Variants in PDZD8 observed in about 807,000 individuals in gnomAD.
PDZD8 encodes the protein PDZ domain-containing protein 8.
Under a neutral mutation model 85.8 loss-of-function variants are expected in PDZD8, and 14 were observed. The observed-to-expected ratio is 0.16, with a 90% CI of 0.11 to 0.26. The LOEUF is 0.26. Ranked by LOEUF, PDZD8 falls within the 10% of genes least tolerant of loss-of-function variation. The pLI is 1.00. For missense variants in PDZD8, 1,197 were observed against 1,424.3 expected (o/e 0.84, Z 2.57); for synonymous variants, 592 against 568.6 (o/e 1.04, Z -0.59).
intron 1 of PDZD8, among the ~76,000 whole-genome samples, chr10:117,342,265 A>G (rs531462220): frequency 1.3e-5 from 2 of 152,320 alleles, no homozygotes; most frequent in South Asian, 2.1e-4. Context: ...AAAGCTAAAG[A>G]AAAAGAAAAT....
chr10:117,345,541 C>G (rs1844690275), intron 1 of PDZD8, among the ~76,000 whole-genome samples: 1 of 152,142 alleles, frequency 6.6e-6, no homozygotes, highest in South Asian at 2.1e-4. Flanking sequence ...AACCTAAAAA[C>G]AGACAAGCAA....
At chr10:117,296,580 T>A (rs1044615613) in intron 3 of PDZD8, among the ~76,000 whole-genome samples, 1 of 152,094 alleles carries the variant, frequency 6.6e-6, no homozygotes, top group Non-Finnish European at 1.5e-5. Flanking sequence ...ATATGTTAGA[T>A]AAATCAAGAC....
chr10:117,284,193 T>C lies in PDZD8; in HGVS notation c.2540A>G (p.Gln847Arg). Residue 847 changes from glutamine to arginine, a missense_variant, in exon 5 of 5, where the codon CAG (glutamine) becomes CGG (arginine). Physicochemically the swap from Gln to Arg is conservative, Grantham distance 43. Coordinates refer to ENST00000334464, the MANE Select transcript of PDZD8 (RefSeq NM_173791.5). ...GTCACACCATGTTGGGTTCTGGAAC[T>C]GAGTATCCTGAAAACTGTGTTTGTT... The part of the protein sequence containing the change: ...TENKHSFQDT[Q>R]FQNPTWCDYC... The C allele has an allele frequency of 6.2e-7, 1 of 1,614,210 alleles. No individual in the cohort carries two copies. The highest frequency in any genetic ancestry group is 8.5e-7 in the Non-Finnish European group (1 of 1,180,016).
intron 2 of PDZD8, among the ~76,000 whole-genome samples, chr10:117,339,128 C>CAAAAAAAAAAAA (rs71013660): frequency 7.7e-6 from 1 of 129,408 alleles, no homozygotes; most frequent in Non-Finnish European, 1.6e-5. Flanking sequence ...TGGACTTAAC[C>CAAAAAAAAAAAA]AAAAAAAAAA....
intron 2 of PDZD8, among the ~76,000 whole-genome samples, chr10:117,335,789 T>C (rs1018616880): frequency 1.3e-5 from 2 of 152,228 alleles, no homozygotes; most frequent in Non-Finnish European, 2.9e-5. Context: ...TACAAAGGAA[T>C]CCTGAACTCT....
At chr10:117,323,052 T>A (rs1444809443) in intron 2 of PDZD8, among the ~76,000 whole-genome samples, 1 of 152,188 alleles carries the variant, frequency 6.6e-6, no homozygotes, top group Non-Finnish European at 1.5e-5. Context: ...GTATTAAGCC[T>A]GAAAGCTGCA....
At chr10:117,319,973 G>C (rs1182980353) in intron 2 of PDZD8, among the ~76,000 whole-genome samples, 1 of 151,908 alleles carries the variant, frequency 6.6e-6, no homozygotes, top group Non-Finnish European at 1.5e-5. Context: ...AACTGTGTCC[G>C]CAGGTTAAAG....
In PDZD8 at chr10:117,374,512, G is replaced by A. The variant is rs765761847; in HGVS notation, c.716C>T (p.Thr239Ile). Residue 239 changes from threonine to isoleucine, a missense_variant, in exon 1 of 5, where the codon ACC becomes ATC. By Grantham distance (89) the Thr-to-Ile change is moderately conservative. Coordinates refer to ENST00000334464, the MANE Select transcript of PDZD8 (RefSeq NM_173791.5). The surrounding 1 kb of genome is among the most constrained non-coding windows in gnomAD (Gnocchi z 7.8). ...LRLVFTRVPF[T>I]HWFFSFVEDP... ...TTCCACGAAGGAGAAGAACCAGTGGGTGAAGGGCACGCGCGTAAAGACCAA... is the reference window on the plus strand; with the variant it reads ...TTCCACGAAGGAGAAGAACCAGTGGATGAAGGGCACGCGCGTAAAGACCAA... 1.9e-6 allele frequency: 3 copies of A among 1,612,876 alleles called. No individual in the cohort carries two copies. The highest frequency in any genetic ancestry group is 3.3e-5 in the Admixed American group (2 of 59,716).
chr10:117,279,570 C>A lies in PDZD8; in HGVS notation c.*3698G>T, dbSNP rs1313056504. On this transcript the variant is annotated 3_prime_UTR_variant, in exon 5 of 5. Transcript: ENST00000334464. ...TCAGGTAAAAGCCACCCCAGGTTAG[C>A]TTGACCATACTTTTTTGGCTTTCCA... 1 of 152,184 alleles carries A rather than the reference C, an allele frequency of 6.6e-6. No homozygotes were observed. The highest frequency in any genetic ancestry group is 2.4e-5 in the African/African-American group (1 of 41,444). The allele number at this position is 152,184 out of a possible 1,614,324, so 9.4% of individuals were successfully genotyped here.
chr10:117,318,253 C>G lies in PDZD8; in HGVS notation c.1098+619G>C, dbSNP rs185463244. On this transcript the variant is annotated intron_variant, in intron 3 of 4. Transcript: ENST00000334464. ...TCCTATTATCACCAGATCTAAAGAG[C>G]CTCCTTTATCATAACTTATAATTCC... Among the ~76,000 whole-genome samples the G allele has an allele frequency of 1.2e-3, 184 of 152,238 alleles. 1 individual carries two copies. The highest frequency in any genetic ancestry group is 2.1e-3 in the Non-Finnish European group (145 of 68,000).
At chr10:117,312,126 G>A (rs1343109177) in intron 3 of PDZD8, among the ~76,000 whole-genome samples, 1 of 152,050 alleles carries the variant, frequency 6.6e-6, no homozygotes, top group African/African-American at 2.4e-5. Flanking sequence ...GTATCCGAGG[G>A]CAAACAAGCT....
At chr10:117,343,562 A>T (rs1367931195) in intron 1 of PDZD8, among the ~76,000 whole-genome samples, 1 of 152,206 alleles carries the variant, frequency 6.6e-6, no homozygotes, top group East Asian at 1.9e-4. Flanking sequence ...AACCATATAC[A>T]CTAGAAACTT....
At chr10:117,345,507 T>C (rs1754221528) in intron 1 of PDZD8, among the ~76,000 whole-genome samples, 1 of 152,144 alleles carries the variant, frequency 6.6e-6, no homozygotes, top group Non-Finnish European at 1.5e-5. Flanking sequence ...GTGGGTGTAC[T>C]GTACTAAAAT....
At chr10:117,362,514 T>A (rs544480873) in intron 1 of PDZD8, among the ~76,000 whole-genome samples, 1 of 152,194 alleles carries the variant, frequency 6.6e-6, no homozygotes, top group African/African-American at 2.4e-5. Flanking sequence ...CAAGTTACTT[T>A]CAAGAGAAAT....
intron 2 of PDZD8, among the ~76,000 whole-genome samples, chr10:117,320,004 A>G (rs1844202242): frequency 6.6e-6 from 1 of 152,134 alleles, no homozygotes. Context: ...AATCATGTCC[A>G]TACTCCACAA....
Position 117,285,144 on chromosome 10 carries a change from G to T in PDZD8, c.1589C>A (p.Ser530Tyr). The T allele has an allele frequency of 6.2e-7, 1 of 1,614,104 alleles. No homozygotes were observed. The highest frequency in any genetic ancestry group is 8.5e-7 in the Non-Finnish European group (1 of 1,179,954). Residue 530 changes from serine to tyrosine, a missense_variant, in exon 5 of 5, where the codon TCT becomes TAT. Physicochemically the swap from Ser to Tyr is moderately radical, Grantham distance 144. Around this residue, in one of 4 missense-constraint regions of PDZD8, gnomAD observed 263 missense variants for 261.9 expected, o/e 1.00. Transcript: ENST00000334464. Reference sequence around the variant, plus strand: ...TGATATAGCTCCAAGGGGTTTAATAGAAAGTGTTGTTGGAACACGTTTGGG... The same window carrying T: ...TGATATAGCTCCAAGGGGTTTAATATAAAGTGTTGTTGGAACACGTTTGGG... ...HSPKRVPTTL[S>Y]IKPLGAISPV... is the part of the protein sequence containing the mutation.
intron 1 of PDZD8, among the ~76,000 whole-genome samples, chr10:117,362,621 G>A (rs988714402): frequency 2.6e-5 from 4 of 152,052 alleles, no homozygotes; most frequent in Non-Finnish European, 4.4e-5. Context: ...GAATTACTGA[G>A]TCCAAATTCT....
At chr10:117,299,618 C>A (rs1843812695) in intron 3 of PDZD8, among the ~76,000 whole-genome samples, 1 of 152,114 alleles carries the variant, frequency 6.6e-6, no homozygotes, top group Non-Finnish European at 1.5e-5. Context: ...TTGAAACTTT[C>A]CACTGCATTT....
chr10:117,335,811 T>G lies in PDZD8; in HGVS notation c.995+5169A>C, dbSNP rs1406659062. Among the ~76,000 whole-genome samples, 8 of 152,206 alleles carry G rather than the reference T, an allele frequency of 5.3e-5. No homozygotes were observed. The East Asian group carries it at 1.5e-3, about 29-fold the overall frequency. On this transcript the variant is annotated intron_variant, in intron 2 of 4. Transcript: ENST00000334464. ...GAATCCTGAACTCTTTGTATTATGT[T>G]TTTTGTACTTGTATGGACAATGCAT... is the stretch of plus-strand genomic sequence containing the variant.
Sources: allele counts gnomAD v4.1 joint callset (sites outside exome capture counted in the v4.1 genomes callset), GRCh38; gene constraint gnomAD v4.1.1; regional missense constraint gnomAD v4.1.1; non-coding constraint Gnocchi (gnomAD v3.1); transcripts MANE v1.5; gene names NCBI Gene and HGNC (gene_info 2026-07-23, HGNC 2026-07-21).